Variants in CLCN7 observed in about 807,000 individuals in gnomAD.
CLCN7 encodes H(+)/Cl(-) exchange transporter 7.
CLCN7 carries 60 observed loss-of-function variants against 102.1 expected under a neutral mutation model. The observed-to-expected ratio is 0.59, with a 90% CI of 0.48 to 0.73. The LOEUF is 0.73. Ranked by LOEUF, CLCN7 falls within the 30% of genes least tolerant of loss-of-function variation. The pLI, the probability that CLCN7 is intolerant of heterozygous loss-of-function variation, is 0.00. For synonymous variants in CLCN7, 560 were observed against 490.5 expected (o/e 1.14, Z -1.87); for missense variants, 962 against 1,125.7 (o/e 0.85, Z 2.08).
chr16:1,471,620 T>G (rs2039078953), intron 1 of CLCN7: 1 of 152,230 alleles, frequency 6.6e-6, no homozygotes, highest in African/African-American at 2.4e-5. Context: ...CGGGCACGAC[T>G]CACGTTTCTT....
Position 1,446,727 on chromosome 16 carries a change from A to C in CLCN7, c.2332-10T>G. Reference sequence around the variant, plus strand: ...TCACCAACCCGACAACCTGCAGGACAAGTCCAGGCCACAGTGACACACGGG... The same window carrying C: ...TCACCAACCCGACAACCTGCAGGACCAGTCCAGGCCACAGTGACACACGGG... On this transcript the variant is annotated splice_polypyrimidine_tract_variant and intron_variant, in intron 24 of 24. Transcript: ENST00000382745. 6.4e-7 allele frequency: 1 copy of C among 1,574,048 alleles called. No individual in the cohort carries two copies. Among genetic ancestry groups the C allele is most frequent in the Non-Finnish European group, 8.6e-7 (1 of 1,158,988 alleles).
chr16:1,460,537 A>G lies in CLCN7; in HGVS notation c.485-10T>C, dbSNP rs35280276. 0.13 allele frequency: 206,796 copies of G among 1,601,914 alleles called. 14,267 individuals carry two copies. The highest frequency in any genetic ancestry group is 0.17 in the African/African-American group (12,696 of 74,778). The stretch of plus-strand genomic sequence containing the variant: ...GTGAACTTGTCGATATCTGGGGCTC[A>G]TCAAGGAGGGCTGGCTGCTTCCCCG... On this transcript the variant is annotated splice_polypyrimidine_tract_variant and intron_variant, in intron 5 of 24. Coordinates refer to ENST00000382745, the MANE Select transcript of CLCN7 (RefSeq NM_001287.6).
intron 6 of CLCN7, among the ~76,000 whole-genome samples, chr16:1,459,997 G>A (rs4786417): frequency 0.35 from 49,768 of 142,020 alleles, 7,173 homozygotes; most frequent in Non-Finnish European, 0.4. Flanking sequence ...ACACGTCGGG[G>A]CCTCAGGGAA....
At chr16:1,451,463 C>G (rs1484741920) in intron 16 of CLCN7, among the ~76,000 whole-genome samples, 160 bp downstream of exon 16, 4 of 152,192 alleles carry the variant, frequency 2.6e-5, no homozygotes, top group African/African-American at 9.7e-5. Flanking sequence ...CTTGGTCTCT[C>G]CAAGTGCTGG....
At chr16:1,452,132 C>T (rs189667761) in intron 15 of CLCN7, 28 of 307,342 alleles carry the variant, frequency 9.1e-5, no homozygotes, top group South Asian at 6.0e-4. Flanking sequence ...GTGTTATCCA[C>T]GGGGCTGGAG....
intron 6 of CLCN7, chr16:1,459,418 GCT>G (rs1178747239): frequency 8.0e-6 from 4 of 496,976 alleles, no homozygotes; most frequent in Admixed American, 3.4e-5. Context: ...GGGAAGGGGA[GCT>G]CAGCACACAC....
At chr16:1,461,093 T>C in intron 4 of CLCN7, 145 bp from the exon 5 acceptor site, 1 of 1,164,042 alleles carries the variant, frequency 8.6e-7, no homozygotes, top group Non-Finnish European at 1.2e-6. Flanking sequence ...AAGGACAGTT[T>C]CTGGCCAACA....
chr16:1,464,472 C>A (rs1175084353), intron 2 of CLCN7, among the ~76,000 whole-genome samples: 1 of 152,248 alleles, frequency 6.6e-6, no homozygotes, highest in African/African-American at 2.4e-5. Context: ...AGAGGCAGCA[C>A]AAACGTATCA....
chr16:1,447,020 C>G lies in CLCN7; in HGVS notation c.2317G>C (p.Asp773His). 2 of 1,598,236 alleles carry G rather than the reference C, an allele frequency of 1.3e-6. No individual in the cohort carries two copies. The highest frequency in any genetic ancestry group is 1.7e-6 in the Non-Finnish European group (2 of 1,176,016). ...CCCCCGCTCACCTGATTGCGGTTGT[C>G]CACCACCACCAGGTGCCGCAGGCCC... ...ALGLRHLVVV[D>H]NRNQVVGLVT... is the part of the protein sequence containing the mutation. Residue 773 changes from aspartate to histidine, a missense_variant, in exon 24 of 25, where the codon GAC becomes CAC. By Grantham distance (81) the Asp-to-His change is moderately conservative (BLOSUM62 -1). Coordinates refer to ENST00000382745, the MANE Select transcript of CLCN7 (RefSeq NM_001287.6).
rs368184976 is a variant in CLCN7 at position 1,452,930 on chromosome 16, G to A, written c.1215-37C>T. On this transcript the variant is annotated intron_variant, in intron 14 of 24. Coordinates refer to ENST00000382745, the MANE Select transcript of CLCN7 (RefSeq NM_001287.6). ...AATCAGGCTGCATGGCAGGCAGGAC[G>A]GCAGCGCGGCCCCTCCGCAGGCCCC... 3.3e-5 allele frequency: 51 copies of A among 1,554,330 alleles called. No individual in the cohort carries two copies. In the East Asian group the frequency reaches 7.5e-4, roughly 23 times the overall value.
At chr16:1,450,721 GCCC>G in intron 16 of CLCN7, 55 bp from the exon 17 acceptor site, 1 of 1,220,106 alleles carries the variant, frequency 8.2e-7, no homozygotes, top group Non-Finnish European at 1.1e-6. Flanking sequence ...CCGCAGGACT[GCCC>G]TGCCCCGCTG....
rs1480444354 is a variant in CLCN7 at position 1,457,214 on chromosome 16, C to T, written c.822+40G>A. ...CCTGAGTGGTGCCCGTGCCCGTGCC[C>T]ATGGCATCTGGAGCCCACCCACACA... On this transcript the variant is annotated intron_variant, in intron 9 of 24. Transcript: ENST00000382745. The surrounding 1 kb of genome is among the most constrained non-coding windows in gnomAD (Gnocchi z 5.4). 4 of 1,574,514 alleles carry T rather than the reference C, an allele frequency of 2.5e-6. No homozygotes were observed. Among genetic ancestry groups the T allele is most frequent in the Non-Finnish European group, 3.5e-6 (4 of 1,144,190 alleles).
At chr16:1,447,341 C>T (rs2038665118) in intron 23 of CLCN7, 51 bp downstream of exon 23, 2 of 1,511,118 alleles carry the variant, frequency 1.3e-6, no homozygotes, top group Non-Finnish European at 1.8e-6. Context: ...GGACCCCACC[C>T]CCTGCTGTTC....
rs12926972 is a variant in CLCN7 at position 1,461,810 on chromosome 16, C to G, written c.214-136G>C. The G allele has an allele frequency of 1.7e-5, 13 of 786,828 alleles. No individual in the cohort carries two copies. In the African/African-American group the frequency reaches 2.0e-4, roughly 12 times the overall value. 48.7% of individuals were successfully genotyped at this position (786,828 alleles called of 1,614,324 possible). ...CACAGCAAGAGAACTGCACATGGGG[C>G]GCGGTGGCTGACACCTACAATCCCA... On this transcript the variant is annotated intron_variant, in intron 2 of 24. Coordinates refer to ENST00000382745, the MANE Select transcript of CLCN7 (RefSeq NM_001287.6).
chr16:1,453,621 G>A (rs1349185370), intron 14 of CLCN7, among the ~76,000 whole-genome samples: 2 of 152,184 alleles, frequency 1.3e-5, no homozygotes, highest in African/African-American at 2.4e-5. Context: ...AGGAGCCCTC[G>A]CACTCCTAGC....
intron 1 of CLCN7, among the ~76,000 whole-genome samples, chr16:1,465,994 G>A (rs981867726): frequency 6.6e-6 from 1 of 152,256 alleles, no homozygotes; most frequent in African/African-American, 2.4e-5. Flanking sequence ...GCTGAGGCCA[G>A]GCTAGGAGGA....
chr16:1,453,996 G>T, intron 13 of CLCN7, 102 bp from the exon 14 acceptor site: 4 of 1,155,842 alleles, frequency 3.5e-6, no homozygotes, highest in Non-Finnish European at 5.2e-6. Context: ...TTTGCAGAGG[G>T]AAGGGGACGG....
At chr16:1,447,851 G>A (rs1170608413) in intron 21 of CLCN7, 137 bp from the exon 22 acceptor site, 6 of 913,682 alleles carry the variant, frequency 6.6e-6, no homozygotes, top group Non-Finnish European at 8.5e-6. Context: ...GTGGCTACCT[G>A]CTCACACCAG....
intron 1 of CLCN7, among the ~76,000 whole-genome samples, chr16:1,473,903 G>A (rs2039114108): frequency 6.6e-6 from 1 of 151,808 alleles, no homozygotes; most frequent in South Asian, 2.1e-4. Context: ...TGACCAACAC[G>A]GAGGAACCCC....
Sources: gnomAD v4.1 joint callset for allele counts (sites outside exome capture counted in the v4.1 genomes callset) on GRCh38, gnomAD v4.1.1 for gene constraint, Gnocchi (gnomAD v3.1) non-coding constraint, MANE v1.5 for transcripts, NCBI Gene and HGNC (gene_info 2026-07-23, HGNC 2026-07-21) for gene names.